TBC1D5: variants seen among roughly 807,000 people sequenced by gnomAD.
The protein encoded by TBC1D5 is TBC1 domain family member 5.
A neutral mutation model predicts 100.3 loss-of-function variants in TBC1D5; 75 were observed. The ratio of observed to expected loss-of-function variants is 0.75; its 90% confidence interval spans 0.62 to 0.91. The LOEUF (loss-of-function observed/expected upper bound fraction) is 0.91. Among genes scored for constraint, TBC1D5 ranks in the 40% least tolerant of loss-of-function variants. TBC1D5 has a pLI of 0.00. For missense variants in TBC1D5, 910 were observed against 942.4 expected, an observed-to-expected ratio of 0.97 and a Z score of 0.45; for synonymous variants, 323 against 325.6, an observed-to-expected ratio of 0.99 and a Z score of 0.09.
chr3:17,494,958 C>T (rs376263635), intron 3 of TBC1D5, among the ~76,000 whole-genome samples: 6 of 152,352 alleles, frequency 3.9e-5, no homozygotes, highest in African/African-American at 1.4e-4. Context: ...GAAAAATACA[C>T]GATTTCCCAG....
exon 21 of TBC1D5, chr3:17,166,774 A>T: frequency 6.2e-7 from 1 of 1,605,170 alleles, no homozygotes; most frequent in Non-Finnish European, 8.5e-7. Context: ...TACCTGTTTA[A>T]TGGCCCCTGA....
chr3:17,425,362 C>CA (rs1297332318), intron 4 of TBC1D5, among the ~76,000 whole-genome samples: 1 of 152,230 alleles, frequency 6.6e-6, no homozygotes, highest in African/African-American at 2.4e-5. Flanking sequence ...TGAAGTGGCT[C>CA]ACGCCTGTAA....
intron 2 of TBC1D5, among the ~76,000 whole-genome samples, chr3:17,614,416 C>T (rs1007741879): frequency 1.3e-5 from 2 of 152,184 alleles, no homozygotes; most frequent in Non-Finnish European, 1.5e-5. Flanking sequence ...TCTGCGAATT[C>T]TGTGAAGAAA....
At chr3:17,536,988 TGTTA>T (rs1342208717) in intron 2 of TBC1D5, among the ~76,000 whole-genome samples, 4 of 152,214 alleles carry the variant, frequency 2.6e-5, no homozygotes, top group Non-Finnish European at 5.9e-5. Flanking sequence ...GGTGTCAGAC[TGTTA>T]GTTAATCTCT....
At chr3:17,260,989 C>T (rs2078229274) in intron 15 of TBC1D5, among the ~76,000 whole-genome samples, 1 of 152,022 alleles carries the variant, frequency 6.6e-6, no homozygotes, top group South Asian at 2.1e-4. Flanking sequence ...ACTTCAAGTG[C>T]TAAACAGCCA....
intron 1 of TBC1D5, among the ~76,000 whole-genome samples, chr3:17,732,756 A>T (rs1166188321): frequency 1.3e-5 from 1 of 74,216 alleles, no homozygotes; most frequent in Non-Finnish European, 3.3e-5. Context: ...AAATTTAAAT[A>T]TATATCTATA....
intron 1 of TBC1D5, among the ~76,000 whole-genome samples, chr3:17,655,954 TTC>T (rs1421097216): frequency 6.6e-6 from 1 of 152,166 alleles, no homozygotes; most frequent in East Asian, 1.9e-4. Flanking sequence ...GAAAATACAT[TTC>T]TGTTTTTAAG....
chr3:17,710,682 TATTTA>T (rs2074634560), intron 1 of TBC1D5, among the ~76,000 whole-genome samples: 1 of 151,448 alleles, frequency 6.6e-6, no homozygotes. Context: ...TCATTTATTT[TATTTA>T]TTTATTTACT....
chr3:17,348,501 A>C (rs945470935), intron 13 of TBC1D5, among the ~76,000 whole-genome samples: 1 of 152,190 alleles, frequency 6.6e-6, no homozygotes, highest in East Asian at 1.9e-4. Flanking sequence ...AGGGATGAAG[A>C]AATGCCTTTT....
chr3:17,346,297 A>C (rs1228577577), intron 13 of TBC1D5, among the ~76,000 whole-genome samples: 1 of 152,110 alleles, frequency 6.6e-6, no homozygotes, highest in Non-Finnish European at 1.5e-5. Context: ...ACCTTTGCTA[A>C]CCTAATAAGC....
chr3:17,404,786 A>AAT lies in TBC1D5; in HGVS notation c.367-19_367-18insAT, dbSNP rs1553732001. Reference sequence around the variant, plus strand: ...GTAATATGCTAGTAAAGAAAGAGAAAACACACACACAAGGATCAGAGGCTA... The same window carrying AAT: ...GTAATATGCTAGTAAAGAAAGAGAAAATACACACACACAAGGATCAGAGGCTA... On this transcript the variant is annotated intron_variant, in intron 6 of 21. Transcript: ENST00000253692. 1.3e-6 allele frequency: 2 copies of AAT among 1,599,730 alleles called. No homozygotes were observed. The highest frequency in any genetic ancestry group is 1.7e-5 in the Admixed American group (1 of 57,288).
intron 13 of TBC1D5, among the ~76,000 whole-genome samples, chr3:17,313,424 A>G (rs139724632): frequency 6.4e-4 from 97 of 152,316 alleles, no homozygotes; most frequent in African/African-American, 2.2e-3. Flanking sequence ...AAAGTCTGTA[A>G]ATAGGCTTTG....
At chr3:17,215,685 T>G (rs1344952788) in intron 17 of TBC1D5, among the ~76,000 whole-genome samples, 1 of 152,028 alleles carries the variant, frequency 6.6e-6, no homozygotes, top group Non-Finnish European at 1.5e-5. Context: ...GAAAAAGGAT[T>G]TAGGACCACA....
chr3:17,181,004 A>C (rs2068392369), intron 19 of TBC1D5, among the ~76,000 whole-genome samples: 1 of 151,992 alleles, frequency 6.6e-6, no homozygotes, highest in Admixed American at 6.6e-5. Flanking sequence ...AATTAACATT[A>C]GGAAAGGATC....
At chr3:17,690,080 A>C (rs1437918889) in intron 1 of TBC1D5, among the ~76,000 whole-genome samples, 1 of 152,340 alleles carries the variant, frequency 6.6e-6, no homozygotes, top group African/African-American at 2.4e-5. Flanking sequence ...AGTGGGAAAC[A>C]AGACTAGAAA....
chr3:17,256,599 A>C lies in TBC1D5; in HGVS notation c.1331+1907T>G, dbSNP rs1276118080. ...AATACATTTCCTGTGGTGGAGAAAA[A>C]GGTGTTGAAAATATTTCAAAAAATT... On this transcript the variant is annotated intron_variant, in intron 16 of 21. Transcript: ENST00000253692. 2.6e-5 allele frequency among the ~76,000 whole-genome samples: 4 copies of C among 151,952 alleles called. No individual in the cohort carries two copies. In the East Asian group the frequency reaches 7.7e-4, roughly 29 times the overall value.
At chr3:17,331,975 T>C (rs775392190) in intron 13 of TBC1D5, among the ~76,000 whole-genome samples, 4 of 152,344 alleles carry the variant, frequency 2.6e-5, no homozygotes, top group South Asian at 2.1e-4. Flanking sequence ...TTTTGGATAC[T>C]GTTACAAGTG....
chr3:17,519,568 G>A (rs750260729), intron 2 of TBC1D5, among the ~76,000 whole-genome samples: 3 of 152,090 alleles, frequency 2.0e-5, no homozygotes, highest in South Asian at 2.1e-4. Flanking sequence ...GTTGGTTTTC[G>A]ACTAACTTCT....
intron 8 of TBC1D5, among the ~76,000 whole-genome samples, chr3:17,402,353 C>G (rs1258869298): frequency 1.3e-5 from 2 of 152,102 alleles, no homozygotes; most frequent in African/African-American, 4.8e-5. Context: ...ACCAGAGATA[C>G]TCACGATTCT....
Sources: allele counts gnomAD v4.1 joint callset (sites outside exome capture counted in the v4.1 genomes callset), GRCh38; gene constraint gnomAD v4.1.1; transcripts MANE v1.5; gene names NCBI Gene and HGNC (gene_info 2026-07-23, HGNC 2026-07-21).